ENTPD7: variants seen among roughly 807,000 people sequenced by gnomAD.
ENTPD7 encodes the protein ectonucleoside triphosphate diphosphohydrolase 7, also known as NTPDase 7.
A neutral mutation model predicts 77.9 loss-of-function variants in ENTPD7; 53 were observed. That is an observed-to-expected ratio of 0.68 (90% CI 0.55 to 0.85). ENTPD7 has a LOEUF of 0.85. ENTPD7 is among the 40% of genes least tolerant of loss of function. The pLI is 0.00. For missense variants in ENTPD7, 636 were observed against 743.7 expected, an observed-to-expected ratio of 0.86 and a Z score of 1.68; for synonymous variants, 248 against 274.9, an observed-to-expected ratio of 0.90 and a Z score of 0.97.
rs1349333566 is a variant in ENTPD7 at position 99,702,530 on chromosome 10, G to A, written c.1440G>A (p.Ser480=). ...CACACAGATATCAGTGTTTTAAATC[G>A]GCTTGGATGTACCAAGTCTTACATG... ...EHRLKYQCFK[S]AWMYQVLHEG... Residue 480 remains serine, a synonymous_variant, in exon 12 of 13, where the codon TCG becomes TCA. Coordinates refer to ENST00000370489, the MANE Select transcript of ENTPD7 (RefSeq NM_020354.5). The A allele has an allele frequency of 3.8e-6, 6 of 1,588,384 alleles. No individual in the cohort carries two copies. The highest frequency in any genetic ancestry group is 3.5e-5 in the South Asian group (3 of 86,802).
In ENTPD7 at chr10:99,711,131, GAAGCTCATAGAT is replaced by G; in HGVS notation, c.*6450_*6461del. On this transcript the variant is annotated 3_prime_UTR_variant, in exon 13 of 13. Transcript: ENST00000370489. ...AAAACCCTAAGATAATCATTCACCA[GAAGCTCATAGAT>G]ATAATACAGTTATATAGCTAAATGC... The G allele has an allele frequency of 2.0e-6, 2 of 984,902 alleles. No homozygotes were observed. The highest frequency in any genetic ancestry group is 2.4e-6 in the Non-Finnish European group (2 of 829,656). The allele number at this position is 984,902 out of a possible 1,614,324, so 61.0% of individuals were successfully genotyped here.
At chr10:99,665,261 A>AAC (rs2035535033) in intron 3 of ENTPD7, among the ~76,000 whole-genome samples, 1 of 150,780 alleles carries the variant, frequency 6.6e-6, no homozygotes, top group South Asian at 2.1e-4. Context: ...TCAAAGAAAA[A>AAC]AAAAAAAAGA....
rs760658234 is a variant in ENTPD7, at chr10:99,679,760, A to G, written c.433A>G (p.Ser145Gly). 1 of 1,614,102 alleles carries G rather than the reference A, an allele frequency of 6.2e-7. No individual in the cohort carries two copies. The highest frequency in any genetic ancestry group is 8.5e-7 in the Non-Finnish European group (1 of 1,179,994). Reference protein sequence around the residue: ...SAMADTPEHASDYLRPLLSFA... With the variant: ...SAMADTPEHAGDYLRPLLSFA... ...AATGGCAGACACTCCAGAACATGCC[A>G]GTGATTACCTTCGTCCTCTGCTGAG... The change falls in exon 5 of 13, where the codon AGT (serine) becomes GGT (glycine). Residue 145 changes from serine (S) to glycine (G), a missense_variant. Physicochemically the swap from Ser to Gly is moderately conservative, Grantham distance 56 (BLOSUM62 0). Transcript: ENST00000370489.
At chr10:99,704,327 G>A (rs1590067186) in intron 12 of ENTPD7, 125 bp from the exon 13 acceptor site, 1 of 909,134 alleles carries the variant, frequency 1.1e-6, no homozygotes, top group East Asian at 2.6e-5. Context: ...TGTGGAGCTG[G>A]TGTCATAAAA....
rs886046599 is a variant in ENTPD7 at position 99,710,573 on chromosome 10, C to T, written c.*5890C>T. 21 of 985,286 alleles carry T rather than the reference C, an allele frequency of 2.1e-5. No individual in the cohort carries two copies. The highest frequency in any genetic ancestry group is 2.5e-5 in the Non-Finnish European group (21 of 829,942). 61.0% of individuals were successfully genotyped at this position (985,286 alleles called of 1,614,324 possible). A position where few individuals can be genotyped will look rare whatever the true frequency, so the allele number is the denominator to read the frequency against. On this transcript the variant is annotated 3_prime_UTR_variant, in exon 13 of 13. Transcript: ENST00000370489. ...GAATTTTGAATTCTTAAAATTCTCACTGACAAACATTTTAGGTCAGTGTTG... is the reference window on the plus strand; with the variant it reads ...GAATTTTGAATTCTTAAAATTCTCATTGACAAACATTTTAGGTCAGTGTTG...
At chr10:99,685,959 C>T (rs996233975) in intron 6 of ENTPD7, 64 bp downstream of exon 6, 32 of 1,045,614 alleles carry the variant, frequency 3.1e-5, no homozygotes, top group Middle Eastern at 4.1e-4. Context: ...GCCTCTCTAA[C>T]GGGTGTTTAG....
At chr10:99,682,521 C>T (rs935020826) in intron 5 of ENTPD7, among the ~76,000 whole-genome samples, 4 of 152,092 alleles carry the variant, frequency 2.6e-5, no homozygotes, top group African/African-American at 7.2e-5. Context: ...TAAAACCAAA[C>T]TTTAAATATT....
Position 99,698,707 on chromosome 10 carries a change from C to T in ENTPD7, c.1184C>T (p.Thr395Ile), listed in dbSNP as rs372846468. 21 of 1,614,196 alleles carry T rather than the reference C, an allele frequency of 1.3e-5. No homozygotes were observed. The South Asian group carries it at 2.2e-4, about 17-fold the overall frequency. The stretch of plus-strand genomic sequence containing the variant: ...AGCCCCCTGCTGGCTCGCTCCAACA[C>T]CAGCCAGGCCTCACTCAATGGCATA... ...MLSPLLARSN[T>I]SQASLNGIYQ... The change falls in exon 10 of 13, where the codon ACC becomes ATC. Residue 395 changes from threonine (T) to isoleucine (I), a missense_variant. This residue lies in a region of ENTPD7 where 486 missense variants were observed against 556.5 expected (regional missense o/e 0.87). Coordinates refer to ENST00000370489, the MANE Select transcript of ENTPD7 (RefSeq NM_020354.5).
chr10:99,669,732 G>T (rs532704834), intron 3 of ENTPD7, among the ~76,000 whole-genome samples: 31 of 131,638 alleles, frequency 2.4e-4, no homozygotes, highest in Middle Eastern at 4.2e-3. Context: ...ACTTGTGTTA[G>T]ATGTGTGGTT....
Position 99,698,551 on chromosome 10 carries a change from C to T in ENTPD7, c.1028C>T (p.Thr343Ile), listed in dbSNP as rs375306396. The stretch of plus-strand genomic sequence containing the variant: ...TGTGGCAGATTGCTTGGTCAGAAGA[C>T]AGGTCTGAGTCCCGACAATCCATTT... ...LNKNRLLGQK[T>I]GLSPDNPFLD... The change falls in exon 10 of 13, where the codon ACA (threonine) becomes ATA (isoleucine). Residue 343 changes from threonine (T) to isoleucine (I), a missense_variant. Physicochemically the swap from Thr to Ile is moderately conservative, Grantham distance 89. Coordinates refer to ENST00000370489, the MANE Select transcript of ENTPD7 (RefSeq NM_020354.5). 4.0e-5 allele frequency: 65 copies of T among 1,613,768 alleles called. No homozygotes were observed. The highest frequency in any genetic ancestry group is 5.2e-5 in the Non-Finnish European group (61 of 1,179,888).
intron 7 of ENTPD7, among the ~76,000 whole-genome samples, chr10:99,689,443 T>A (rs944143491): frequency 1.3e-5 from 2 of 152,232 alleles, no homozygotes; most frequent in African/African-American, 4.8e-5. Flanking sequence ...ATTTGCCACA[T>A]GCTAGATTTG....
chr10:99,678,256 CA>C (rs1178151478), intron 3 of ENTPD7, among the ~76,000 whole-genome samples: 3 of 150,140 alleles, frequency 2.0e-5, no homozygotes, highest in African/African-American at 4.9e-5. Context: ...ATCACGAGGT[CA>C]GGAGATCGAG....
At chr10:99,688,457 T>C (rs1036896900) in intron 6 of ENTPD7, among the ~76,000 whole-genome samples, 1 of 152,246 alleles carries the variant, frequency 6.6e-6, no homozygotes, top group African/African-American at 2.4e-5. Flanking sequence ...TTATACTTCT[T>C]AGACATTTGT....
At chr10:99,693,892 T>C (rs1222906647) in intron 8 of ENTPD7, among the ~76,000 whole-genome samples, 1 of 150,834 alleles carries the variant, frequency 6.6e-6, no homozygotes, top group Non-Finnish European at 1.5e-5. Context: ...CATTCCAGCC[T>C]GGGTGACAGA....
chr10:99,705,721 A>G lies in ENTPD7; in HGVS notation c.*1038A>G, dbSNP rs891583004. The G allele has an allele frequency of 7.2e-5, 11 of 152,254 alleles. No individual in the cohort carries two copies. Among genetic ancestry groups the G allele is most frequent in the Non-Finnish European group, 1.2e-4 (8 of 68,040 alleles). 9.4% of individuals were successfully genotyped at this position (152,254 alleles called of 1,614,324 possible). A position where few individuals can be genotyped will look rare whatever the true frequency, so the allele number is the denominator to read the frequency against. ...ATTTCTGAGAAATAGAAGTTTCTCA[A>G]TTTATGACTCTTGGAATGTCTGAAA... On this transcript the variant is annotated 3_prime_UTR_variant, in exon 13 of 13. Transcript: ENST00000370489.
chr10:99,704,787 G>A lies in ENTPD7; in HGVS notation c.*104G>A, dbSNP rs1417612007. Reference sequence around the variant, plus strand: ...AGATGCTGTGATGTCTGACCTTGTGGATATTTGCCCTTGGAATTTCTACTT... The same window carrying A: ...AGATGCTGTGATGTCTGACCTTGTGAATATTTGCCCTTGGAATTTCTACTT... On this transcript the variant is annotated 3_prime_UTR_variant, in exon 13 of 13. Transcript: ENST00000370489. 9.4e-7 allele frequency: 1 copy of A among 1,066,382 alleles called. No individual in the cohort carries two copies. Among genetic ancestry groups the A allele is most frequent in the African/African-American group, 1.6e-5 (1 of 62,402 alleles). The allele number at this position is 1,066,382 out of a possible 1,614,324, so 66.1% of individuals were successfully genotyped here. A position where few individuals can be genotyped will look rare whatever the true frequency, so the allele number is the denominator to read the frequency against.
chr10:99,678,432 C>T (rs1221800066), intron 3 of ENTPD7, among the ~76,000 whole-genome samples: 3 of 150,446 alleles, frequency 2.0e-5, no homozygotes, highest in Non-Finnish European at 4.4e-5. Flanking sequence ...CATGCCACTG[C>T]ACTCTAGCCT....
chr10:99,700,393 C>G (rs1338167674), intron 10 of ENTPD7, among the ~76,000 whole-genome samples: 1 of 103,598 alleles, frequency 9.7e-6, no homozygotes, highest in Non-Finnish European at 1.9e-5. Context: ...TCCAACGTAC[C>G]GTGTGTGTGT....
intron 11 of ENTPD7, 120 bp downstream of exon 11, chr10:99,701,178 A>G (rs1405024242): frequency 2.1e-6 from 2 of 950,188 alleles, no homozygotes; most frequent in Non-Finnish European, 3.2e-6. Flanking sequence ...ATTATTCCAG[A>G]CTTGATTTTC....
Sources: gnomAD v4.1 joint callset for allele counts (sites outside exome capture counted in the v4.1 genomes callset) on GRCh38, gnomAD v4.1.1 for gene constraint, gnomAD v4.1.1 regional missense constraint, MANE v1.5 for transcripts, NCBI Gene and HGNC (gene_info 2026-07-23, HGNC 2026-07-21) for gene names.